The following CDYL2 variants were observed in gnomAD, a reference collection of about 807,000 sequenced individuals.
The protein encoded by CDYL2 is chromodomain Y like 2.
Under a neutral mutation model 49.4 loss-of-function variants are expected in CDYL2, and 23 were observed. The ratio of observed to expected loss-of-function variants is 0.47; its 90% CI spans 0.34 to 0.66. The LOEUF is 0.66. Among genes scored for constraint, CDYL2 ranks in the 30% least tolerant of loss-of-function variants. The probability of loss-of-function intolerance (pLI) is 0.01; values close to 1 mark genes in which losing one functional copy is unlikely to be tolerated. For missense variants in CDYL2, 678 were observed against 656.4 expected (o/e 1.03, Z -0.36); for synonymous variants, 360 against 268.8 (o/e 1.34, Z -3.32).
chr16:80,795,877 G>T (rs1011799172), intron 1 of CDYL2, among the ~76,000 whole-genome samples: 5 of 152,192 alleles, frequency 3.3e-5, no homozygotes, highest in Non-Finnish European at 5.9e-5. Context: ...TTTATTTGAA[G>T]AAGTAATAGA....
At chr16:80,769,019 C>A (rs868196843) in intron 1 of CDYL2, among the ~76,000 whole-genome samples, 7 of 152,238 alleles carry the variant, frequency 4.6e-5, no homozygotes, top group Middle Eastern at 3.4e-3. Context: ...TCCCTTTTAC[C>A]TCTGAATAAA....
At chr16:80,747,882 T>C (rs943830601) in intron 1 of CDYL2, among the ~76,000 whole-genome samples, 46 of 152,252 alleles carry the variant, frequency 3.0e-4, no homozygotes, top group Admixed American at 8.5e-4. Context: ...GAAGCCCTTA[T>C]TCACATCTGA....
At chr16:80,673,303 G>A (rs997686285) in intron 2 of CDYL2, among the ~76,000 whole-genome samples, 2 of 152,190 alleles carry the variant, frequency 1.3e-5, no homozygotes, top group South Asian at 4.2e-4. Context: ...CTGGGCGACA[G>A]AGCAAGACTC....
In CDYL2 at chr16:80,684,653, C is replaced by G. The variant is rs764763104; in HGVS notation, c.501G>C (p.Glu167Asp). The G allele has an allele frequency of 6.2e-7, 1 of 1,614,196 alleles. No homozygotes were observed. Among genetic ancestry groups the G allele is most frequent in the Non-Finnish European group, 8.5e-7 (1 of 1,180,028 alleles). ...GATGGGACCCATTTCCAAAGTGCCT[C>G]TCATCCTTCTCAGAGCCGGCGTCCC... ...ENGDAGSEKD[E>D]RHFGNGSHQP... Residue 167 changes from glutamate to aspartate, a missense_variant, in exon 2 of 7, where the codon GAG becomes GAC. Physicochemically the swap from Glu to Asp is conservative, Grantham distance 45 (BLOSUM62 2). Around this residue, in one of 3 missense-constraint regions of CDYL2, gnomAD observed 478 missense variants for 427.0 expected, o/e 1.12. Coordinates refer to ENST00000570137, the MANE Select transcript of CDYL2 (RefSeq NM_152342.4).
At chr16:80,712,037 ATATG>A (rs1442965026) in intron 1 of CDYL2, among the ~76,000 whole-genome samples, 2 of 150,646 alleles carry the variant, frequency 1.3e-5, no homozygotes, top group African/African-American at 2.4e-5. Flanking sequence ...GTGTGTATAT[ATATG>A]TGTGTATATA....
intron 1 of CDYL2, among the ~76,000 whole-genome samples, chr16:80,791,648 A>C (rs1907611304): frequency 6.6e-6 from 1 of 152,220 alleles, no homozygotes; most frequent in African/African-American, 2.4e-5. Flanking sequence ...TTGGTAACGG[A>C]CAGTGTCCCA....
chr16:80,654,857 G>A (rs748713792), intron 2 of CDYL2, among the ~76,000 whole-genome samples: 1 of 152,246 alleles, frequency 6.6e-6, no homozygotes, highest in Admixed American at 6.5e-5. Context: ...AAATGATTCA[G>A]TGAACTTCGG....
chr16:80,792,340 A>T (rs930681447), intron 1 of CDYL2, among the ~76,000 whole-genome samples: 15 of 152,202 alleles, frequency 9.9e-5, no homozygotes, highest in African/African-American at 3.6e-4. Flanking sequence ...TGAGGACACA[A>T]AGGCAACTGA....
Position 80,629,170 on chromosome 16 carries a change from G to C in CDYL2, c.834+3849C>G, listed in dbSNP as rs868269945. ...CCATCGACACATTTGGTTGGGGAGG[G>C]GTGTGTGTATAAAGGGTTGACTTGG... On this transcript the variant is annotated intron_variant, in intron 3 of 6. Coordinates refer to ENST00000570137, the MANE Select transcript of CDYL2 (RefSeq NM_152342.4). 5.9e-5 allele frequency among the ~76,000 whole-genome samples: 9 copies of C among 152,228 alleles called. No homozygotes were observed. In the South Asian group the frequency reaches 8.3e-4, roughly 14 times the overall value.
rs189848660 is a variant in CDYL2, at chr16:80,789,132, G to T, written c.24+15018C>A. The stretch of plus-strand genomic sequence containing the variant: ...AAGTCAAAAAAAAACAACAGAGTTG[G>T]CTTGGTTGTGGAGAAAAGGGAACAC... On this transcript the variant is annotated intron_variant, in intron 1 of 6. Coordinates refer to ENST00000570137, the MANE Select transcript of CDYL2 (RefSeq NM_152342.4). Among the ~76,000 whole-genome samples, 113 of 152,264 alleles carry T rather than the reference G, an allele frequency of 7.4e-4. 1 individual carries two copies. Among genetic ancestry groups the T allele is most frequent in the Non-Finnish European group, 8.1e-4 (55 of 68,022 alleles).
At position 80,639,051 on chromosome 16, in the gene CDYL2, G is replaced by C. The variant is rs182145070; in HGVS notation, c.617-5815C>G. ...TTAAAATGGGCAAAAGATCTGAAGA[G>C]ACACCTCAACAAAGAAGTTATACAG... On this transcript the variant is annotated intron_variant, in intron 2 of 6. Transcript: ENST00000570137. Among the ~76,000 whole-genome samples, 4 of 152,282 alleles carry C rather than the reference G, an allele frequency of 2.6e-5. No homozygotes were observed. In the South Asian group the frequency reaches 6.2e-4, roughly 24 times the overall value.
At chr16:80,626,830 G>A (rs1015428448) in intron 3 of CDYL2, among the ~76,000 whole-genome samples, 12 of 152,180 alleles carry the variant, frequency 7.9e-5, no homozygotes, top group African/African-American at 2.9e-4. Context: ...TAAGCACCTA[G>A]TAGTGCCAGG....
At chr16:80,789,286 G>T in intron 1 of CDYL2, among the ~76,000 whole-genome samples, 1 of 152,120 alleles carries the variant, frequency 6.6e-6, no homozygotes, top group Non-Finnish European at 1.5e-5. Context: ...CTACCCAAAG[G>T]AAAAGAAATC....
intron 2 of CDYL2, among the ~76,000 whole-genome samples, chr16:80,633,807 A>G (rs891956565): frequency 3.3e-5 from 5 of 152,192 alleles, no homozygotes; most frequent in African/African-American, 7.2e-5. Context: ...TCCTCTCGCA[A>G]ATCAATTACA....
chr16:80,657,276 G>C (rs1295537463), intron 2 of CDYL2, among the ~76,000 whole-genome samples: 1 of 152,090 alleles, frequency 6.6e-6, no homozygotes, highest in Non-Finnish European at 1.5e-5. Flanking sequence ...AAATAAACAA[G>C]AAATGTTCAA....
At chr16:80,650,012 C>T (rs912255612) in intron 2 of CDYL2, among the ~76,000 whole-genome samples, 3 of 152,070 alleles carry the variant, frequency 2.0e-5, no homozygotes, top group Non-Finnish European at 2.9e-5. Flanking sequence ...AACTATGAAC[C>T]TACTACAAGA....
chr16:80,638,363 C>T (rs1907933956), intron 2 of CDYL2, among the ~76,000 whole-genome samples: 1 of 152,234 alleles, frequency 6.6e-6, no homozygotes, highest in South Asian at 2.1e-4. Flanking sequence ...GCGTGTGCCA[C>T]CACACTTCGC....
At chr16:80,723,933 G>A (rs1905082782) in intron 1 of CDYL2, among the ~76,000 whole-genome samples, 1 of 149,458 alleles carries the variant, frequency 6.7e-6, no homozygotes, top group African/African-American at 2.5e-5. Context: ...GAGTGGAGAA[G>A]AAGAGGAAGA....
chr16:80,730,659 T>G (rs1047791968), intron 1 of CDYL2, among the ~76,000 whole-genome samples: 1 of 152,138 alleles, frequency 6.6e-6, no homozygotes, highest in African/African-American at 2.4e-5. Context: ...AAAAAAAGAA[T>G]TTTAGACCAA....
Sources: gnomAD v4.1 joint callset for allele counts (sites outside exome capture counted in the v4.1 genomes callset) on GRCh38, gnomAD v4.1.1 for gene constraint, gnomAD v4.1.1 regional missense constraint, MANE v1.5 for transcripts, NCBI Gene and HGNC (gene_info 2026-07-23, HGNC 2026-07-21) for gene names.